The following ANKS1B variants were observed in gnomAD, a reference collection of about 807,000 sequenced individuals.
The protein encoded by ANKS1B is ankyrin repeat and sterile alpha motif domain-containing protein 1B.
ANKS1B carries 36 observed loss-of-function variants against 148.3 expected under a neutral mutation model. That is an observed-to-expected ratio of 0.24 (90% confidence interval 0.19 to 0.32). The LOEUF is 0.32. ANKS1B is among the 10% of genes least tolerant of loss of function. The pLI, the probability that ANKS1B is intolerant of heterozygous loss-of-function variation, is 1.00. For synonymous variants in ANKS1B, 542 were observed against 560.8 expected (o/e 0.97, Z 0.47); for missense variants, 1,157 against 1,542.6 (o/e 0.75, Z 4.19).
At chr12:99,317,994 C>T (rs2084475216) in intron 12 of ANKS1B, among the ~76,000 whole-genome samples, 1 of 152,224 alleles carries the variant, frequency 6.6e-6, no homozygotes, top group African/African-American at 2.4e-5. Flanking sequence ...TTGAACCAGC[C>T]TTGCATCCTA....
intron 10 of ANKS1B, among the ~76,000 whole-genome samples, chr12:99,460,901 C>A (rs1018321092): frequency 1.3e-5 from 2 of 152,008 alleles, no homozygotes; most frequent in Admixed American, 6.6e-5. Context: ...TGGGTACCTA[C>A]CCAGAGGAAA....
intron 10 of ANKS1B, among the ~76,000 whole-genome samples, chr12:99,504,157 C>T (rs2153004895): frequency 6.6e-6 from 1 of 152,190 alleles, no homozygotes; most frequent in Non-Finnish European, 1.5e-5. Context: ...AAAATTGCTA[C>T]CAATTGGCTG....
intron 17 of ANKS1B, among the ~76,000 whole-genome samples, chr12:98,852,700 G>T (rs929296347): frequency 6.6e-6 from 1 of 152,166 alleles, no homozygotes; most frequent in African/African-American, 2.4e-5. Flanking sequence ...CGAGGTGGCA[G>T]AGCCCACATT....
chr12:99,584,517 A>G (rs1340935175), intron 9 of ANKS1B, among the ~76,000 whole-genome samples: 3 of 152,094 alleles, frequency 2.0e-5, no homozygotes, highest in African/African-American at 7.2e-5. Flanking sequence ...GGATTGTTTG[A>G]GCCCAGGAGA....
chr12:99,513,985 G>A (rs988101191), intron 9 of ANKS1B, among the ~76,000 whole-genome samples: 26 of 151,986 alleles, frequency 1.7e-4, no homozygotes, highest in Non-Finnish European at 3.5e-4. Flanking sequence ...ATTTAACACG[G>A]TCTCTCATAA....
intron 15 of ANKS1B, among the ~76,000 whole-genome samples, chr12:99,123,554 A>T (rs1409323007): frequency 1.3e-5 from 2 of 152,194 alleles, no homozygotes; most frequent in African/African-American, 4.8e-5. Flanking sequence ...CAAGCTGAGG[A>T]GCCAGGAAAC....
At chr12:99,529,986 A>T (rs2096970959) in intron 9 of ANKS1B, among the ~76,000 whole-genome samples, 1 of 152,214 alleles carries the variant, frequency 6.6e-6, no homozygotes, top group African/African-American at 2.4e-5. Flanking sequence ...TATAGATAAG[A>T]GTCCAGGGTT....
intron 14 of ANKS1B, among the ~76,000 whole-genome samples, chr12:99,214,655 G>A (rs1421541939): frequency 6.6e-6 from 1 of 152,188 alleles, no homozygotes; most frequent in African/African-American, 2.4e-5. Context: ...ATAGCAGTAT[G>A]AAAATGGGCT....
At chr12:99,371,622 A>G (rs1331281907) in intron 12 of ANKS1B, among the ~76,000 whole-genome samples, 3 of 152,002 alleles carry the variant, frequency 2.0e-5, no homozygotes, top group Non-Finnish European at 2.9e-5. Flanking sequence ...CTGGTTTTGT[A>G]TCTCTGAAAA....
chr12:99,403,294 T>A (rs2094455645), intron 11 of ANKS1B, among the ~76,000 whole-genome samples: 1 of 141,284 alleles, frequency 7.1e-6, no homozygotes, highest in Non-Finnish European at 1.5e-5. Context: ...GTAGCTGGGA[T>A]TACAGGCAAG....
rs569598589 is a variant in ANKS1B at position 99,391,272 on chromosome 12, A to G, written c.1756+8359T>C. 1.2e-4 allele frequency among the ~76,000 whole-genome samples: 18 copies of G among 152,290 alleles called. No individual in the cohort carries two copies. In the East Asian group the frequency reaches 2.3e-3, roughly 20 times the overall value. ...TCATCTCTCTTCGTTTAAAACACCT[A>G]TCAATGACTTCTCATTGCTCTTAGG... On this transcript the variant is annotated intron_variant, in intron 12 of 26. Coordinates refer to ENST00000683438, the MANE Select transcript of ANKS1B (RefSeq NM_001352186.2).
chr12:99,067,404 C>T (rs1197335334), intron 16 of ANKS1B, among the ~76,000 whole-genome samples: 1 of 152,156 alleles, frequency 6.6e-6, no homozygotes, highest in Non-Finnish European at 1.5e-5. Context: ...GCACCTGCAG[C>T]TCTGAAGCAG....
chr12:99,312,232 G>T (rs1433396581), intron 12 of ANKS1B, among the ~76,000 whole-genome samples: 1 of 152,172 alleles, frequency 6.6e-6, no homozygotes, highest in Non-Finnish European at 1.5e-5. Context: ...TAAAAGAAAT[G>T]ATGTCGGAAG....
At position 99,420,625 on chromosome 12, in the gene ANKS1B, T is replaced by G. The variant is rs143630170; in HGVS notation, c.1576-20814A>C. 7.4e-3 allele frequency among the ~76,000 whole-genome samples: 1,119 copies of G among 152,226 alleles called. 6 individuals carry two copies. Among genetic ancestry groups the G allele is most frequent in the African/African-American group, 0.026 (1,061 of 41,556 alleles). On this transcript the variant is annotated intron_variant, in intron 11 of 26. Coordinates refer to ENST00000683438, the MANE Select transcript of ANKS1B (RefSeq NM_001352186.2). ...AAATGCCCATTAATAAAAGTTTGTC[T>G]TTTTTTCCTGACTCATTCCTGGCAA...
chr12:99,654,443 TTTCCTATCTCTGGAATATTTTAGTCA>T (rs2098440298), intron 9 of ANKS1B, among the ~76,000 whole-genome samples: 1 of 152,210 alleles, frequency 6.6e-6, no homozygotes, highest in African/African-American at 2.4e-5. Context: ...TGGCTTCAAA[TTTCCTATCTCTGGAATATTTTAGTCA>T]TTTCTGAAAC....
chr12:99,533,108 TG>T (rs1266843197), intron 9 of ANKS1B, among the ~76,000 whole-genome samples: 1 of 152,218 alleles, frequency 6.6e-6, no homozygotes, highest in Non-Finnish European at 1.5e-5. Flanking sequence ...ATCTGTAGAT[TG>T]CTTTGAGCAG....
intron 15 of ANKS1B, among the ~76,000 whole-genome samples, chr12:99,147,444 TG>T (rs2073522445): frequency 6.6e-6 from 1 of 152,132 alleles, no homozygotes; most frequent in Non-Finnish European, 1.5e-5. Context: ...ATCCTAAATA[TG>T]AAAACCATAT....
intron 12 of ANKS1B, among the ~76,000 whole-genome samples, chr12:99,382,568 C>G (rs764452465): frequency 1.3e-5 from 2 of 151,994 alleles, no homozygotes; most frequent in African/African-American, 2.4e-5. Flanking sequence ...CATAGTGGCA[C>G]ATGCCTGTAG....
At position 98,801,290 on chromosome 12, in the gene ANKS1B, A is replaced by C. The variant is rs2099003220; in HGVS notation, c.3142-165T>G. 6.6e-6 allele frequency among the ~76,000 whole-genome samples: 1 copy of C among 152,218 alleles called. No individual in the cohort carries two copies. Among genetic ancestry groups the C allele is most frequent in the South Asian group, 2.1e-4 (1 of 4,830 alleles). On this transcript the variant is annotated intron_variant, in intron 20 of 26. Coordinates refer to ENST00000683438, the MANE Select transcript of ANKS1B (RefSeq NM_001352186.2). The surrounding 1 kb of genome is among the most constrained non-coding windows in gnomAD (Gnocchi z 5.2). ...TGGTTATTACATTTTTATATGTATTAGCATATCTCTCAAGGCTGAGTTAAT... is the reference window on the plus strand; with the variant it reads ...TGGTTATTACATTTTTATATGTATTCGCATATCTCTCAAGGCTGAGTTAAT...
Sources: gnomAD v4.1 joint callset for allele counts (sites outside exome capture counted in the v4.1 genomes callset) on GRCh38, gnomAD v4.1.1 for gene constraint, Gnocchi (gnomAD v3.1) non-coding constraint, MANE v1.5 for transcripts, NCBI Gene and HGNC (gene_info 2026-07-23, HGNC 2026-07-21) for gene names.